The following DCAF1 variants were observed in gnomAD, a reference collection of about 807,000 sequenced individuals.
DCAF1 encodes DDB1- and CUL4-associated factor 1.
A neutral mutation model predicts 128.0 loss-of-function variants in DCAF1; 15 were observed. The ratio of observed to expected loss-of-function variants is 0.12; its 90% CI spans 0.08 to 0.18. The LOEUF (loss-of-function observed/expected upper bound fraction) is 0.18, where lower values mean the gene tolerates loss of function less well. DCAF1 is among the 10% of genes least tolerant of loss of function. The probability of loss-of-function intolerance (pLI) is 1.00; values close to 1 mark genes in which losing one functional copy is unlikely to be tolerated. For synonymous variants in DCAF1, 610 were observed against 603.0 expected (o/e 1.01, Z -0.17); for missense variants, 988 against 1,649.5 (o/e 0.60, Z 6.95).
intron 9 of DCAF1, among the ~76,000 whole-genome samples, chr3:51,435,168 A>T (rs1168844480): frequency 2.0e-5 from 3 of 152,172 alleles, no homozygotes; most frequent in Non-Finnish European, 4.4e-5. Context: ...TCCTTCTCCC[A>T]AGATGCAGCT....
chr3:51,436,509 G>A, intron 9 of DCAF1: 2 of 486,432 alleles, frequency 4.1e-6, no homozygotes, highest in South Asian at 3.0e-5. Context: ...TATGCAGCAG[G>A]GTGAAAAAGC....
At chr3:51,423,060 C>A (rs144207254) in intron 13 of DCAF1, among the ~76,000 whole-genome samples, 5 of 150,580 alleles carry the variant, frequency 3.3e-5, no homozygotes, top group Admixed American at 1.3e-4. Flanking sequence ...AGAGTGAGAG[C>A]CTGTCTCGAA....
intron 2 of DCAF1, among the ~76,000 whole-genome samples, chr3:51,485,187 T>C (rs1353932166): frequency 1.3e-5 from 2 of 152,186 alleles, no homozygotes; most frequent in Non-Finnish European, 2.9e-5. Context: ...AGTGCTGGGA[T>C]TACAGGCGTG....
At chr3:51,445,448 CTCA>C (rs2107743902) in intron 6 of DCAF1, among the ~76,000 whole-genome samples, 1 of 152,266 alleles carries the variant, frequency 6.6e-6, no homozygotes, top group African/African-American at 2.4e-5. Context: ...TTATCTCATC[CTCA>C]TATCAAGCCT....
At chr3:51,461,001 G>A (rs1333634420) in intron 6 of DCAF1, among the ~76,000 whole-genome samples, 7 of 152,066 alleles carry the variant, frequency 4.6e-5, no homozygotes, top group African/African-American at 1.2e-4. Context: ...ACAGGCATGG[G>A]CAAGGACTTC....
At chr3:51,432,295 A>G (rs1300768999) in intron 10 of DCAF1, among the ~76,000 whole-genome samples, 22 of 151,434 alleles carry the variant, frequency 1.5e-4, no homozygotes, top group African/African-American at 5.1e-4. Flanking sequence ...AAAAGTATAA[A>G]AAGTAGCCAG....
intron 13 of DCAF1, among the ~76,000 whole-genome samples, chr3:51,426,619 G>A (rs1699933669): frequency 6.6e-6 from 1 of 152,072 alleles, no homozygotes; most frequent in Non-Finnish European, 1.5e-5. Flanking sequence ...TATTAATATG[G>A]TAAAGGTATC....
At chr3:51,416,605 C>T (rs1698901879) in intron 18 of DCAF1, among the ~76,000 whole-genome samples, 182 bp downstream of exon 18, 1 of 152,126 alleles carries the variant, frequency 6.6e-6, no homozygotes, top group African/African-American at 2.4e-5. Context: ...TCACATTTAG[C>T]CCTTATACAT....
chr3:51,494,201 GC>G (rs1399285723), intron 2 of DCAF1, among the ~76,000 whole-genome samples: 1 of 144,014 alleles, frequency 6.9e-6, no homozygotes. Flanking sequence ...TGCAAGCTCC[GC>G]CTCCCGGGTT....
intron 23 of DCAF1, among the ~76,000 whole-genome samples, chr3:51,408,976 G>T (rs1168640227): frequency 1.3e-5 from 2 of 152,068 alleles, no homozygotes; most frequent in African/African-American, 2.4e-5. Flanking sequence ...AAAGCTTTCC[G>T]GCTCTTCTAC....
Position 51,397,949 on chromosome 3 carries a change from GAAA to G in DCAF1, c.*817_*819del, listed in dbSNP as rs1314379820. ...ATTTCCACAATGGGGAGAAAGGGAA[GAAA>G]AAAAGATTTTTGAAAAACTGAATCA... On this transcript the variant is annotated 3_prime_UTR_variant, in exon 25 of 25. Coordinates refer to ENST00000684031, the MANE Select transcript of DCAF1 (RefSeq NM_001387579.1). 2 of 166,360 alleles carry G rather than the reference GAAA, an allele frequency of 1.2e-5. No homozygotes were observed. Among genetic ancestry groups the G allele is most frequent in the Non-Finnish European group, 2.9e-5 (2 of 68,046 alleles). 10.3% of individuals were successfully genotyped at this position (166,360 alleles called of 1,614,324 possible). A position where few individuals can be genotyped will look rare whatever the true frequency, so the allele number is the denominator to read the frequency against.
At chr3:51,495,492 AC>A (rs1266599859) in intron 2 of DCAF1, among the ~76,000 whole-genome samples, 7 of 152,162 alleles carry the variant, frequency 4.6e-5, no homozygotes, top group African/African-American at 1.7e-4. Flanking sequence ...TTATTTAAAT[AC>A]ATAAATAAAG....
chr3:51,452,594 A>T (rs1394664713), intron 6 of DCAF1, among the ~76,000 whole-genome samples: 2 of 152,198 alleles, frequency 1.3e-5, no homozygotes, highest in Non-Finnish European at 2.9e-5. Context: ...ATTTCCCTTA[A>T]ATAGTGTTTC....
intron 23 of DCAF1, among the ~76,000 whole-genome samples, chr3:51,407,158 C>CAAAAAAA (rs1477512198): frequency 6.7e-5 from 6 of 88,970 alleles, no homozygotes; most frequent in African/African-American, 1.4e-4. Context: ...GACTCCATCT[C>CAAAAAAA]AAAAAAAAAA....
At chr3:51,458,916 T>C (rs1351917949) in intron 6 of DCAF1, among the ~76,000 whole-genome samples, 1 of 152,072 alleles carries the variant, frequency 6.6e-6, no homozygotes, top group African/African-American at 2.4e-5. Context: ...TTCAAAGCAG[T>C]GTGTAGAGGG....
chr3:51,467,396 G>C (rs1195466994), intron 4 of DCAF1, among the ~76,000 whole-genome samples: 1 of 152,026 alleles, frequency 6.6e-6, no homozygotes, highest in Non-Finnish European at 1.5e-5. Flanking sequence ...GCAAACTATT[G>C]CGAGGACAAA....
chr3:51,498,046 T>C (rs1471631540), intron 1 of DCAF1, among the ~76,000 whole-genome samples: 2 of 59,454 alleles, frequency 3.4e-5, no homozygotes, highest in African/African-American at 6.7e-5. Context: ...TGAGACTCTG[T>C]CTCAAAAAAA....
rs374816375 is a variant in DCAF1, at chr3:51,441,909, T to A, written c.514-12A>T. 19 of 1,569,094 alleles carry A rather than the reference T, an allele frequency of 1.2e-5. No homozygotes were observed. The highest frequency in any genetic ancestry group is 6.0e-5 in the Admixed American group (3 of 49,766). ...AGCACTATTGCCACCTATCAACAGA[T>A]AATTGGAGAAAAAGGGGGTGCCTCT... On this transcript the variant is annotated splice_polypyrimidine_tract_variant and intron_variant, in intron 7 of 24. Transcript: ENST00000684031.
At position 51,420,682 on chromosome 3, in the gene DCAF1, A is replaced by C; in HGVS notation, c.2288T>G (p.Val763Gly). Residue 763 changes from valine (V) to glycine (G), a missense_variant, in exon 15 of 25, where the codon GTG becomes GGG. Physicochemically the swap from Val to Gly is moderately radical, Grantham distance 109. Around this residue, in one of 11 missense-constraint regions of DCAF1, gnomAD observed 76 missense variants for 186.9 expected, o/e 0.41. Coordinates refer to ENST00000684031, the MANE Select transcript of DCAF1 (RefSeq NM_001387579.1). The surrounding 1 kb of genome is among the most constrained non-coding windows in gnomAD (Gnocchi z 6.5). ...GACAGTGCTACTGCGAGACAGGCCC[A>C]CTAGGGCTTTGCAGGCCAGGGCCCG... ...QIRALACKALVGLSRSSTVRQ... is the reference protein window; with the variant it reads ...QIRALACKALGGLSRSSTVRQ... The C allele has an allele frequency of 6.2e-7, 1 of 1,614,046 alleles. No homozygotes were observed.
Sources: allele counts gnomAD v4.1 joint callset (sites outside exome capture counted in the v4.1 genomes callset), GRCh38; gene constraint gnomAD v4.1.1; regional missense constraint gnomAD v4.1.1; non-coding constraint Gnocchi (gnomAD v3.1); transcripts MANE v1.5; gene names NCBI Gene and HGNC (gene_info 2026-07-23, HGNC 2026-07-21).